Variants in B4GALT1 observed in about 807,000 individuals in gnomAD.
B4GALT1 encodes the protein N-acetyllactosamine synthase.
In B4GALT1, 16 loss-of-function variants were observed where a neutral mutation model predicts 34.9. The ratio of observed to expected loss-of-function variants is 0.46; its 90% CI spans 0.31 to 0.70. B4GALT1 has a LOEUF of 0.70. Among genes scored for constraint, B4GALT1 ranks in the 30% least tolerant of loss-of-function variants. The probability of loss-of-function intolerance (pLI) is 0.05; values close to 1 mark genes in which losing one functional copy is unlikely to be tolerated. For synonymous variants in B4GALT1, 221 were observed against 218.1 expected (o/e 1.01, Z -0.12); for missense variants, 445 against 530.5 (o/e 0.84, Z 1.58).
chr9:33,167,304 C>T lies in B4GALT1; in HGVS notation c.-135G>A, dbSNP rs2118354860. The stretch of plus-strand genomic sequence containing the variant: ...GCGGGGGCGGGCGAGCGGCTGAGAG[C>T]TGAGACTCCTCCAGCCAGCCAGACC... On this transcript the variant is annotated 5_prime_UTR_variant, in exon 1 of 6. Transcript: ENST00000379731. The T allele has an allele frequency of 1.7e-6, 2 of 1,174,922 alleles. No individual in the cohort carries two copies. Among genetic ancestry groups the T allele is most frequent in the South Asian group, 3.7e-5 (2 of 53,338 alleles). The allele number at this position is 1,174,922 out of a possible 1,614,324, so 72.8% of individuals were successfully genotyped here.
intron 1 of B4GALT1, among the ~76,000 whole-genome samples, chr9:33,138,813 C>T (rs558479247): frequency 6.6e-6 from 1 of 152,290 alleles, no homozygotes; most frequent in African/African-American, 2.4e-5. Context: ...TGCAACCCCA[C>T]CACCATCACC....
intron 2 of B4GALT1, among the ~76,000 whole-genome samples, chr9:33,121,740 G>A (rs967599409): frequency 2.0e-5 from 3 of 152,086 alleles, no homozygotes; most frequent in Admixed American, 2.0e-4. Flanking sequence ...CTTGAAGACT[G>A]CTTCTCACAC....
chr9:33,175,009 ATATATATATAT>A, the B4GALT1 span, among the ~76,000 whole-genome samples: 296 of 72,928 alleles, frequency 4.1e-3, 25 homozygotes, highest in Non-Finnish European at 6.8e-3. Context: ...ATATATATAT[ATATATATATAT>A]AAAATTGGAG....
At chr9:33,157,595 T>C (rs902326411) in intron 1 of B4GALT1, among the ~76,000 whole-genome samples, 24 of 152,320 alleles carry the variant, frequency 1.6e-4, no homozygotes, top group Admixed American at 6.5e-4. Flanking sequence ...AATATATGCA[T>C]TGGAATATGT....
intron 1 of B4GALT1, among the ~76,000 whole-genome samples, chr9:33,135,892 T>A (rs10738907): frequency 0.34 from 38,499 of 113,438 alleles, 5,602 homozygotes; most frequent in East Asian, 0.55. Context: ...ACTGGGGAAG[T>A]GTGTGTGTGT....
chr9:33,132,572 C>A (rs75909720), intron 2 of B4GALT1, among the ~76,000 whole-genome samples: 1 of 152,192 alleles, frequency 6.6e-6, no homozygotes, highest in Non-Finnish European at 1.5e-5. Flanking sequence ...GCTGTGCCAC[C>A]GGTCTGAGCT....
intron 1 of B4GALT1, among the ~76,000 whole-genome samples, chr9:33,139,192 T>C (rs1296965362): frequency 6.6e-6 from 1 of 152,176 alleles, no homozygotes; most frequent in Non-Finnish European, 1.5e-5. Flanking sequence ...AGGAGTGGGT[T>C]GAGGTAGGGA....
At position 33,113,464 on chromosome 9, in the gene B4GALT1, G is replaced by A; in HGVS notation, c.1187C>T (p.Thr396Ile). Reference protein sequence around the residue: ...LYTQITVDIGTPS With the variant: ...LYTQITVDIGIPS Reference sequence around the variant, plus strand: ...CCGTGTACCAAAACGCTAGCTCGGTGTCCCGATGTCCACTGTGATTTGGGT... The same window carrying A: ...CCGTGTACCAAAACGCTAGCTCGGTATCCCGATGTCCACTGTGATTTGGGT... Residue 396 changes from threonine to isoleucine, a missense_variant, in exon 6 of 6, where the codon ACA becomes ATA. By Grantham distance (89) the Thr-to-Ile change is moderately conservative (BLOSUM62 -1). Transcript: ENST00000379731. 6.2e-7 allele frequency: 1 copy of A among 1,614,200 alleles called. No homozygotes were observed. Among genetic ancestry groups the A allele is most frequent in the Non-Finnish European group, 8.5e-7 (1 of 1,180,034 alleles).
At chr9:33,105,885 T>TTTTG (rs1312667550), downstream of B4GALT1, among the ~76,000 whole-genome samples, 2 of 146,540 alleles carry the variant, frequency 1.4e-5, no homozygotes, top group Non-Finnish European at 3.0e-5. Context: ...CGTGGGTTTT[T>TTTTG]TTTTTTTTTT....
chr9:33,136,204 C>T (rs764140166), intron 1 of B4GALT1, among the ~76,000 whole-genome samples: 12 of 152,184 alleles, frequency 7.9e-5, no homozygotes, highest in Non-Finnish European at 1.6e-4. Flanking sequence ...TCCCAAGTTT[C>T]TGGCCTAGAA....
intron 1 of B4GALT1, among the ~76,000 whole-genome samples, chr9:33,160,248 CT>C (rs34566644): frequency 0.11 from 16,390 of 151,878 alleles, 989 homozygotes; most frequent in African/African-American, 0.15. Context: ...ACAAGCATCA[CT>C]ACATCACTAA....
chr9:33,116,695 G>A (rs985525699), intron 3 of B4GALT1, among the ~76,000 whole-genome samples: 4 of 151,678 alleles, frequency 2.6e-5, no homozygotes, highest in Admixed American at 1.3e-4. Flanking sequence ...GCTAATTTTT[G>A]TATTTTTAGT....
At chr9:33,126,620 A>AGTTAACCATTGTTAACATTGTTAACCATT (rs1564040624) in intron 2 of B4GALT1, among the ~76,000 whole-genome samples, 18 of 152,334 alleles carry the variant, frequency 1.2e-4, no homozygotes, top group African/African-American at 4.1e-4. Context: ...TGTTAACCAT[A>AGTTAACCATTGTTAACATTGTTAACCATT]GTTAACCATT....
chr9:33,159,027 C>T (rs985900357), intron 1 of B4GALT1, among the ~76,000 whole-genome samples: 8 of 152,154 alleles, frequency 5.3e-5, no homozygotes, highest in Non-Finnish European at 1.0e-4. Context: ...AAATGTCAGG[C>T]GCTACCCAAC....
chr9:33,120,295 T>A, intron 3 of B4GALT1, 124 bp downstream of exon 3: 1 of 1,079,270 alleles, frequency 9.3e-7, no homozygotes, highest in East Asian at 2.4e-5. Context: ...AAAGCACCCA[T>A]TTCTCAGAGG....
chr9:33,163,945 G>A (rs753275048), intron 1 of B4GALT1, among the ~76,000 whole-genome samples: 43 of 152,218 alleles, frequency 2.8e-4, no homozygotes, highest in Non-Finnish European at 5.1e-4. Context: ...CAGGGTGCCC[G>A]GTGTGGGGGC....
chr9:33,176,231 T>C, the B4GALT1 span, among the ~76,000 whole-genome samples: 2 of 152,226 alleles, frequency 1.3e-5, no homozygotes, highest in Non-Finnish European at 2.9e-5. Context: ...GATGCTTCAC[T>C]GGGTACCCGG....
At position 33,127,001 on chromosome 9, in the gene B4GALT1, G is replaced by A. The variant is rs191784616; in HGVS notation, c.649-6395C>T. Reference sequence around the variant, plus strand: ...TTTTAAAATGGAGTCTCACTCTGTCGCCCAGGCTGGAGTGCAGTGGCGCGA... The same window carrying A: ...TTTTAAAATGGAGTCTCACTCTGTCACCCAGGCTGGAGTGCAGTGGCGCGA... On this transcript the variant is annotated intron_variant, in intron 2 of 5. Coordinates refer to ENST00000379731, the MANE Select transcript of B4GALT1 (RefSeq NM_001497.4). 7.1e-3 allele frequency among the ~76,000 whole-genome samples: 1,074 copies of A among 152,120 alleles called. 10 individuals carry two copies. Among genetic ancestry groups the A allele is most frequent in the African/African-American group, 0.014 (591 of 41,500 alleles).
At chr9:33,178,667 A>G in the B4GALT1 span, among the ~76,000 whole-genome samples, 16,680 of 152,216 alleles carry the variant, frequency 0.11, 991 homozygotes, top group African/African-American at 0.15. Context: ...TACCCAAGAC[A>G]GGATATGTCT....
Sources: allele counts gnomAD v4.1 joint callset (sites outside exome capture counted in the v4.1 genomes callset), GRCh38; gene constraint gnomAD v4.1.1; transcripts MANE v1.5; gene names NCBI Gene and HGNC (gene_info 2026-07-23, HGNC 2026-07-21).